The following RBFOX1 variants were observed in gnomAD, a reference collection of about 807,000 sequenced individuals.
RBFOX1 encodes the protein RNA binding fox-1 homolog 1.
In RBFOX1, 8 loss-of-function variants were observed where a neutral mutation model predicts 57.7. That is an observed-to-expected ratio of 0.14 (90% CI 0.08 to 0.25). The LOEUF (loss-of-function observed/expected upper bound fraction) is 0.25. RBFOX1 is among the 10% of genes least tolerant of loss of function. The pLI, the probability that RBFOX1 is intolerant of heterozygous loss-of-function variation, is 1.00. For missense variants in RBFOX1, 611 were observed against 548.5 expected (o/e 1.11, Z -1.14); for synonymous variants, 326 against 222.4 (o/e 1.47, Z -4.15).
In RBFOX1 at chr16:5,284,144, C is replaced by A. The variant is rs117157507; in HGVS notation, c.219+44039C>A. 6.3e-3 allele frequency among the ~76,000 whole-genome samples: 960 copies of A among 152,294 alleles called. 9 individuals carry two copies. The highest frequency in any genetic ancestry group is 0.022 in the African/African-American group (898 of 41,552). On this transcript the variant is annotated intron_variant, in intron 1 of 2. Transcript: ENST00000585867. ...CTTTGCCTGCTGCCATCCATGTGAGCCATGACTTGCTTCTTCTTGCCTTCC... is the reference window on the plus strand; with the variant it reads ...CTTTGCCTGCTGCCATCCATGTGAGACATGACTTGCTTCTTCTTGCCTTCC...
chr16:7,186,631 T>C (rs911096333), intron 4 of RBFOX1, among the ~76,000 whole-genome samples: 1 of 143,592 alleles, frequency 7.0e-6, no homozygotes, highest in Non-Finnish European at 1.5e-5. Flanking sequence ...TTTATATAAA[T>C]ATAATATTTA....
intron 4 of RBFOX1, among the ~76,000 whole-genome samples, chr16:7,237,799 G>A (rs374925076): frequency 2.6e-5 from 4 of 152,138 alleles, no homozygotes; most frequent in Non-Finnish European, 1.5e-5. Context: ...TGAGGTCAGG[G>A]GTTTGAGACC....
intron 2 of RBFOX1, among the ~76,000 whole-genome samples, chr16:6,517,660 A>G (rs916554017): frequency 6.6e-6 from 1 of 152,172 alleles, no homozygotes; most frequent in Non-Finnish European, 1.5e-5. Context: ...CTTGATGGCT[A>G]CAATAAACTG....
intron 1 of RBFOX1, among the ~76,000 whole-genome samples, chr16:6,075,811 A>C (rs556008550): frequency 1.6e-4 from 24 of 152,314 alleles, no homozygotes; most frequent in African/African-American, 5.5e-4. Flanking sequence ...ATTAACTGTA[A>C]CTATCTCAAA....
chr16:6,616,743 T>A (rs1300128040), intron 2 of RBFOX1, among the ~76,000 whole-genome samples: 1 of 152,198 alleles, frequency 6.6e-6, no homozygotes, highest in African/African-American at 2.4e-5. Flanking sequence ...CAATAAGTTT[T>A]CTTAATTCAT....
intron 1 of RBFOX1, among the ~76,000 whole-genome samples, chr16:6,118,211 C>A (rs2096518148): frequency 6.6e-6 from 1 of 152,080 alleles, no homozygotes; most frequent in African/African-American, 2.4e-5. Context: ...GATTTTACTC[C>A]AGTTCTTTTA....
intron 10 of RBFOX1, among the ~76,000 whole-genome samples, chr16:7,611,156 G>A (rs1009837319): frequency 1.3e-4 from 20 of 152,252 alleles, no homozygotes; most frequent in Admixed American, 7.8e-4. Context: ...CCAGCCTCCC[G>A]TTGTCTCTCA....
chr16:7,501,380 C>G (rs1454567594), intron 4 of RBFOX1, among the ~76,000 whole-genome samples: 2 of 152,222 alleles, frequency 1.3e-5, no homozygotes, highest in Non-Finnish European at 2.9e-5. Context: ...ACAGCTTTAT[C>G]TTGGCATGTA....
chr16:7,411,218 T>G (rs1326600675), intron 4 of RBFOX1, among the ~76,000 whole-genome samples: 1 of 140,646 alleles, frequency 7.1e-6, no homozygotes. Context: ...AGTGCTGGGA[T>G]TACAGCCACC....
chr16:6,353,169 C>A (rs1277501016), intron 2 of RBFOX1, among the ~76,000 whole-genome samples: 2 of 151,972 alleles, frequency 1.3e-5, no homozygotes, highest in African/African-American at 4.8e-5. Flanking sequence ...TCCATTTCTC[C>A]CCATCTTTCC....
intron 2 of RBFOX1, among the ~76,000 whole-genome samples, chr16:6,450,765 GTGTATATATATATA>G (rs1185479300): frequency 1.0e-4 from 2 of 19,442 alleles, no homozygotes; most frequent in Non-Finnish European, 1.8e-4. Context: ...ATATATATAT[GTGTATATATATATA>G]TATATATATA....
chr16:5,421,537 G>A (rs1451217491), intron 1 of RBFOX1, among the ~76,000 whole-genome samples: 1 of 152,138 alleles, frequency 6.6e-6, no homozygotes, highest in Non-Finnish European at 1.5e-5. Flanking sequence ...TTGGCCCTGA[G>A]GAGGTAAGGG....
chr16:6,268,814 C>A (rs1010646947), intron 1 of RBFOX1, among the ~76,000 whole-genome samples: 1 of 152,026 alleles, frequency 6.6e-6, no homozygotes, highest in Non-Finnish European at 1.5e-5. Flanking sequence ...AACATTTTTT[C>A]CCTGTTCCTC....
At chr16:6,501,272 A>G (rs1362740579) in intron 2 of RBFOX1, among the ~76,000 whole-genome samples, 2 of 146,010 alleles carry the variant, frequency 1.4e-5, no homozygotes, top group African/African-American at 2.5e-5. Flanking sequence ...GTATATCTCC[A>G]AATGCTATCC....
intron 4 of RBFOX1, among the ~76,000 whole-genome samples, chr16:7,465,673 T>G (rs2060385133): frequency 6.6e-6 from 1 of 152,218 alleles, no homozygotes; most frequent in African/African-American, 2.4e-5. Flanking sequence ...TCTTAGAGTA[T>G]ACCCTGGGGA....
At chr16:6,580,440 C>T (rs1412407075) in intron 2 of RBFOX1, among the ~76,000 whole-genome samples, 1 of 152,166 alleles carries the variant, frequency 6.6e-6, no homozygotes, top group Non-Finnish European at 1.5e-5. Context: ...GATCATTAAG[C>T]TACACTGATA....
At chr16:7,067,535 CT>C (rs1380951645) in intron 4 of RBFOX1, among the ~76,000 whole-genome samples, 1 of 149,340 alleles carries the variant, frequency 6.7e-6, no homozygotes, top group Non-Finnish European at 1.5e-5. Context: ...TTTTTGTTTT[CT>C]TTTTTTATTT....
In RBFOX1 at chr16:5,607,294, T is replaced by C. The variant is rs973773018; in HGVS notation, c.318+8333T>C. Among the ~76,000 whole-genome samples, 8 of 152,298 alleles carry C rather than the reference T, an allele frequency of 5.3e-5. 1 individual carries two copies. Among genetic ancestry groups the C allele is most frequent in the Admixed American group, 3.3e-4 (5 of 15,294 alleles). On this transcript the variant is annotated intron_variant, in intron 3 of 19. Coordinates refer to the RBFOX1 transcript ENST00000641259. ...GTGAGACATGGAGGCTTAAATTCTT[T>C]CCCTTCAAAATATCACCCGTGATGT...
chr16:6,454,794 G>T (rs2094719822), intron 2 of RBFOX1, among the ~76,000 whole-genome samples: 1 of 147,662 alleles, frequency 6.8e-6, no homozygotes, highest in Non-Finnish European at 1.5e-5. Flanking sequence ...CCCTCCCCTT[G>T]CTTCTTCCCA....
Sources: gnomAD v4.1 joint callset for allele counts (sites outside exome capture counted in the v4.1 genomes callset) on GRCh38, gnomAD v4.1.1 for gene constraint, MANE v1.5 for transcripts, NCBI Gene and HGNC (gene_info 2026-07-23, HGNC 2026-07-21) for gene names.